The following TMOD3 variants were observed in gnomAD, a reference collection of about 807,000 sequenced individuals.
The protein encoded by TMOD3 is tropomodulin 3, also known as tropomodulin-3.
TMOD3 carries 20 observed loss-of-function variants against 39.2 expected under a neutral mutation model. That is an observed-to-expected ratio of 0.51 (90% CI 0.36 to 0.74). The LOEUF is 0.74. Ranked by LOEUF, TMOD3 falls within the 30% of genes least tolerant of loss-of-function variation. TMOD3 has a pLI of 0.00. For synonymous variants in TMOD3, 143 were observed against 145.8 expected, an observed-to-expected ratio of 0.98 and a Z score of 0.14; for missense variants, 381 against 412.8, an observed-to-expected ratio of 0.92 and a Z score of 0.67.
intron 3 of TMOD3, among the ~76,000 whole-genome samples, chr15:51,885,294 T>C (rs1056669485): frequency 9.3e-5 from 14 of 150,882 alleles, no homozygotes; most frequent in African/African-American, 2.9e-4. Flanking sequence ...CTTTTTTTTT[T>C]TTTTTTTTAG....
chr15:51,908,006 GT>G (rs2056691027), intron 9 of TMOD3, among the ~76,000 whole-genome samples: 1 of 152,196 alleles, frequency 6.6e-6, no homozygotes, highest in Non-Finnish European at 1.5e-5. Context: ...TGCATTTGTT[GT>G]TTTATCAGAC....
rs183145780 is a variant in TMOD3 at position 51,831,001 on chromosome 15, A to C, written c.-75+1165A>C. 8.5e-4 allele frequency among the ~76,000 whole-genome samples: 130 copies of C among 152,288 alleles called. 1 individual carries two copies. Among genetic ancestry groups the C allele is most frequent in the African/African-American group, 3.1e-3 (127 of 41,570 alleles). ...CTTTCTTTGCTTTTGCAACTCTCAG[A>C]AATTGTAGTTTGCTGATCTTTAAAA... On this transcript the variant is annotated intron_variant, in intron 1 of 9. Transcript: ENST00000308580.
intron 3 of TMOD3, among the ~76,000 whole-genome samples, chr15:51,871,703 G>T (rs1342262091): frequency 6.6e-6 from 1 of 152,112 alleles, no homozygotes; most frequent in Non-Finnish European, 1.5e-5. Flanking sequence ...AAATACAAGA[G>T]GGGGAAAAGG....
At chr15:51,900,597 T>C (rs2056645292) in intron 8 of TMOD3, among the ~76,000 whole-genome samples, 1 of 152,234 alleles carries the variant, frequency 6.6e-6, no homozygotes, top group African/African-American at 2.4e-5. Context: ...TTTTCAGCTC[T>C]GTGCTGGCAA....
At chr15:51,839,577 C>T (rs2056303468) in intron 1 of TMOD3, among the ~76,000 whole-genome samples, 1 of 151,680 alleles carries the variant, frequency 6.6e-6, no homozygotes, top group Non-Finnish European at 1.5e-5. Flanking sequence ...TCGAGACAGG[C>T]TTTCGCTGTC....
At chr15:51,831,340 T>G (rs1254708845) in intron 1 of TMOD3, among the ~76,000 whole-genome samples, 2 of 152,234 alleles carry the variant, frequency 1.3e-5, no homozygotes, top group Non-Finnish European at 2.9e-5. Flanking sequence ...ATTTTTCGTG[T>G]CTTAATTACT....
intron 3 of TMOD3, among the ~76,000 whole-genome samples, chr15:51,881,141 C>T (rs746988126): frequency 6.6e-6 from 1 of 152,170 alleles, no homozygotes; most frequent in Non-Finnish European, 1.5e-5. Flanking sequence ...TGCTATGCAG[C>T]CCAGGCTGGA....
intron 3 of TMOD3, among the ~76,000 whole-genome samples, chr15:51,874,547 C>G (rs1418753737): frequency 6.6e-6 from 1 of 152,164 alleles, no homozygotes; most frequent in East Asian, 1.9e-4. Context: ...ATTCTCAGTG[C>G]TGATTATTAG....
rs1188049243 is a variant in TMOD3 at position 51,896,346 on chromosome 15, T to C, written c.628-73T>C. ...ATACATTTTAAAGCAAAAAAAACCA[T>C]ATATTTGATTAATGGAAACTAAATA... On this transcript the variant is annotated intron_variant, in intron 6 of 9. Coordinates refer to ENST00000308580, the MANE Select transcript of TMOD3 (RefSeq NM_014547.5). The C allele has an allele frequency of 2.3e-5, 25 of 1,083,422 alleles. 1 individual carries two copies. In the African/African-American group the frequency reaches 2.6e-4, roughly 11 times the overall value. The allele number at this position is 1,083,422 out of a possible 1,614,324, so 67.1% of individuals were successfully genotyped here. A position where few individuals can be genotyped will look rare whatever the true frequency, so the allele number is the denominator to read the frequency against.
At chr15:51,889,974 G>C (rs577093442) in intron 5 of TMOD3, among the ~76,000 whole-genome samples, 31 of 152,196 alleles carry the variant, frequency 2.0e-4, no homozygotes, top group Admixed American at 5.2e-4. Context: ...AAGTGTCTCT[G>C]TCTCCAGCCA....
At chr15:51,892,205 T>C (rs1307850029) in intron 5 of TMOD3, among the ~76,000 whole-genome samples, 1 of 152,172 alleles carries the variant, frequency 6.6e-6, no homozygotes, top group East Asian at 1.9e-4. Flanking sequence ...AGCCAGATAG[T>C]AGTCCATTTT....
chr15:51,859,830 G>A (rs1172383798), intron 1 of TMOD3: 3 of 517,406 alleles, frequency 5.8e-6, no homozygotes, highest in African/African-American at 3.9e-5. Flanking sequence ...TCCTCAGGAA[G>A]TTATGGCACA....
At chr15:51,849,334 A>G (rs1211694156) in intron 1 of TMOD3, among the ~76,000 whole-genome samples, 2 of 152,240 alleles carry the variant, frequency 1.3e-5, no homozygotes, top group Non-Finnish European at 2.9e-5. Context: ...CCTGTTAGCC[A>G]TCCAAGTGGA....
At chr15:51,889,244 A>G (rs1459419210) in intron 5 of TMOD3, 99 bp downstream of exon 5, 2 of 731,196 alleles carry the variant, frequency 2.7e-6, no homozygotes, top group Non-Finnish European at 4.7e-6. Context: ...GATGTTATAT[A>G]TATGTACTTG....
chr15:51,867,697 CAA>C (rs917332825), intron 2 of TMOD3, among the ~76,000 whole-genome samples: 23 of 152,262 alleles, frequency 1.5e-4, no homozygotes, highest in African/African-American at 5.5e-4. Context: ...GGAGGTTTTG[CAA>C]AAGAGAGCTG....
rs28419297 is a variant in TMOD3 at position 51,867,269 on chromosome 15, A to G, written c.127-1948A>G. Reference sequence around the variant, plus strand: ...AAAGTAATAATGTTGGAGATGGGAAAAAGATGAATGAGTTCTTCAGGAAGT... The same window carrying G: ...AAAGTAATAATGTTGGAGATGGGAAGAAGATGAATGAGTTCTTCAGGAAGT... On this transcript the variant is annotated intron_variant, in intron 2 of 9. Transcript: ENST00000308580. Among the ~76,000 whole-genome samples the G allele has an allele frequency of 7.9e-3, 1,205 of 152,332 alleles. 26 individuals are homozygous for G. Among genetic ancestry groups the G allele is most frequent in the African/African-American group, 0.028 (1,151 of 41,564 alleles).
chr15:51,892,502 G>C (rs1286341124), intron 5 of TMOD3: 1 of 152,202 alleles, frequency 6.6e-6, no homozygotes, highest in Non-Finnish European at 1.5e-5. Flanking sequence ...TAGGGAGTGA[G>C]AGTGAGGGAG....
intron 3 of TMOD3, among the ~76,000 whole-genome samples, chr15:51,886,665 G>GGAGAGGGAGAGGGAGACCTTGGGAGA (rs1263124555): frequency 1.3e-5 from 2 of 151,968 alleles, no homozygotes; most frequent in African/African-American, 4.8e-5. Context: ...GGAGAGAGAG[G>GGAGAGGGAGAGGGAGACCTTGGGAGA]GAGAGGGAGA....
At chr15:51,863,842 A>T (rs963675482) in intron 2 of TMOD3, among the ~76,000 whole-genome samples, 1 of 152,198 alleles carries the variant, frequency 6.6e-6, no homozygotes, top group African/African-American at 2.4e-5. Context: ...CATAATTACT[A>T]TTATAAGGAA....
Sources: allele counts gnomAD v4.1 joint callset (sites outside exome capture counted in the v4.1 genomes callset), GRCh38; gene constraint gnomAD v4.1.1; transcripts MANE v1.5; gene names NCBI Gene and HGNC (gene_info 2026-07-23, HGNC 2026-07-21).